Variants in ACAA2 observed in about 807,000 individuals in gnomAD.
ACAA2 encodes the protein 3-ketoacyl-CoA thiolase, mitochondrial.
A neutral mutation model predicts 44.8 loss-of-function variants in ACAA2; 35 were observed. That is an observed-to-expected ratio of 0.78 (90% CI 0.60 to 1.04). The LOEUF is 1.04. ACAA2 is among the 50% of genes least tolerant of loss of function. The probability of loss-of-function intolerance (pLI) is 0.00; values close to 1 mark genes in which losing one functional copy is unlikely to be tolerated. For synonymous variants in ACAA2, 142 were observed against 166.5 expected, an observed-to-expected ratio of 0.85 and a Z score of 1.13; for missense variants, 468 against 482.6, an observed-to-expected ratio of 0.97 and a Z score of 0.28.
At chr18:49,788,222 C>A (rs1469225055) in intron 7 of ACAA2, among the ~76,000 whole-genome samples, 1 of 152,158 alleles carries the variant, frequency 6.6e-6, no homozygotes, top group Admixed American at 6.5e-5. Context: ...AGATTATCTA[C>A]TTCTCGACTT....
intron 1 of ACAA2, among the ~76,000 whole-genome samples, chr18:49,807,614 T>G (rs542851108): frequency 4.6e-5 from 7 of 152,274 alleles, no homozygotes; most frequent in African/African-American, 1.4e-4. Flanking sequence ...GGAGGACTGC[T>G]TGAGCCCAGG....
At position 49,782,759 on chromosome 18, in the gene ACAA2, A is replaced by G. The variant is rs1286061846; in HGVS notation, c.*1088T>C. The G allele has an allele frequency of 2.0e-5, 3 of 152,260 alleles. No homozygotes were observed. The highest frequency in any genetic ancestry group is 7.2e-5 in the African/African-American group (3 of 41,406). 9.4% of individuals were successfully genotyped at this position (152,260 alleles called of 1,614,324 possible). On this transcript the variant is annotated 3_prime_UTR_variant, in exon 10 of 10. Coordinates refer to ENST00000285093, the MANE Select transcript of ACAA2 (RefSeq NM_006111.3). ...GCTACTGGGGAGGCTGAGGCAGGAG[A>G]ATGGCATGAACCCAGGAGGCGGAGC... is the stretch of plus-strand genomic sequence containing the variant.
At chr18:49,797,341 T>C in intron 3 of ACAA2, 125 bp downstream of exon 3, 1 of 772,920 alleles carries the variant, frequency 1.3e-6, no homozygotes, top group Non-Finnish European at 2.0e-6. Context: ...GGTATGATCA[T>C]GGTTTACTTG....
chr18:49,793,326 ACTTTC>A (rs1568586647), intron 5 of ACAA2, among the ~76,000 whole-genome samples: 1 of 152,262 alleles, frequency 6.6e-6, no homozygotes, highest in Non-Finnish European at 1.5e-5. Context: ...TTGGCAAAAT[ACTTTC>A]CTTATATGCC....
intron 2 of ACAA2, among the ~76,000 whole-genome samples, chr18:49,799,788 G>A (rs1351747379): frequency 6.6e-6 from 1 of 150,590 alleles, no homozygotes; most frequent in Non-Finnish European, 1.5e-5. Context: ...CTTCCCAGCC[G>A]CCATCCCGTC....
rs2023365577 is a variant in ACAA2 at position 49,788,930 on chromosome 18, T to A, written c.884-1569A>T. Reference sequence around the variant, plus strand: ...TAATAGCTGTGCGACTTTGTGCATCTCTCTGGGCAACAAGCTACTCATCAA... The same window carrying A: ...TAATAGCTGTGCGACTTTGTGCATCACTCTGGGCAACAAGCTACTCATCAA... On this transcript the variant is annotated intron_variant, in intron 7 of 9. Transcript: ENST00000285093. 2.0e-5 allele frequency among the ~76,000 whole-genome samples: 3 copies of A among 152,234 alleles called. No individual in the cohort carries two copies. In the South Asian group the frequency reaches 6.2e-4, roughly 32 times the overall value.
intron 1 of ACAA2, among the ~76,000 whole-genome samples, chr18:49,812,554 G>A (rs533316258): frequency 6.6e-6 from 1 of 151,952 alleles, no homozygotes; most frequent in Admixed American, 6.5e-5. Context: ...TGCCCCACAC[G>A]AGTCAAAGCC....
intron 7 of ACAA2, among the ~76,000 whole-genome samples, chr18:49,789,022 C>T (rs1415097899): frequency 1.3e-5 from 2 of 152,138 alleles, no homozygotes; most frequent in African/African-American, 4.8e-5. Context: ...CATATGATGC[C>T]AAGTAATAGA....
intron 5 of ACAA2, 33 bp from the exon 6 acceptor site, chr18:49,792,360 A>T: frequency 6.6e-7 from 1 of 1,525,202 alleles, no homozygotes. Flanking sequence ...TCATAAGAAT[A>T]AAAGAGAGAA....
At chr18:49,800,436 C>T (rs1490918488) in intron 2 of ACAA2, among the ~76,000 whole-genome samples, 5 of 151,860 alleles carry the variant, frequency 3.3e-5, no homozygotes, top group East Asian at 1.9e-4. Context: ...ATGACCGTGG[C>T]GGTTTTGTGG....
chr18:49,809,021 C>T (rs982401086), intron 1 of ACAA2, among the ~76,000 whole-genome samples: 2 of 152,050 alleles, frequency 1.3e-5, no homozygotes, highest in African/African-American at 4.8e-5. Flanking sequence ...CATTTATAGA[C>T]CTCCCCCCAG....
intron 7 of ACAA2, among the ~76,000 whole-genome samples, chr18:49,790,644 G>GTTCCCCCAGAGAATGACAGGAACT (rs2023387522): frequency 6.6e-6 from 1 of 152,168 alleles, no homozygotes; most frequent in African/African-American, 2.4e-5. Flanking sequence ...TTGGTTCCCT[G>GTTCCCCCAGAGAATGACAGGAACT]TTCCCCCAGA....
chr18:49,783,912 C>A lies in ACAA2; in HGVS notation c.1129G>T (p.Ala377Ser), dbSNP rs1393819450. 6.2e-7 allele frequency: 1 copy of A among 1,613,896 alleles called. No homozygotes were observed. Among genetic ancestry groups the A allele is most frequent in the Non-Finnish European group, 8.5e-7 (1 of 1,179,936 alleles). Residue 377 changes from alanine (A) to serine (S), a missense_variant, in exon 10 of 10, where the codon GCC (alanine) becomes TCC (serine). Coordinates refer to ENST00000285093, the MANE Select transcript of ACAA2 (RefSeq NM_006111.3). ...HELRRRGGKY[A>S]VGSACIGGGQ... ...CCTCCAATGCAAGCTGATCCAACGG[C>A]ATATTTTCCACCTCGACGCCTGAAA...
At chr18:49,800,639 A>G (rs992794258) in intron 2 of ACAA2, among the ~76,000 whole-genome samples, 2 of 152,134 alleles carry the variant, frequency 1.3e-5, no homozygotes, top group African/African-American at 4.8e-5. Flanking sequence ...TGTCCACTCA[A>G]GGTTAAATGG....
At chr18:49,789,698 C>T (rs1289217465) in intron 7 of ACAA2, among the ~76,000 whole-genome samples, 2 of 152,156 alleles carry the variant, frequency 1.3e-5, no homozygotes, top group South Asian at 2.1e-4. Flanking sequence ...CAACTCTGCT[C>T]TTGGGCTGGG....
In ACAA2 at chr18:49,813,496, G is replaced by A. The variant is rs2143990078; in HGVS notation, c.-12C>T. The A allele has an allele frequency of 1.6e-6, 2 of 1,240,880 alleles. No homozygotes were observed. The highest frequency in any genetic ancestry group is 2.0e-6 in the Non-Finnish European group (2 of 988,042). The allele number at this position is 1,240,880 out of a possible 1,614,324, so 76.9% of individuals were successfully genotyped here. On this transcript the variant is annotated 5_prime_UTR_variant, in exon 1 of 10. Transcript: ENST00000285093. Reference sequence around the variant, plus strand: ...CGGAGCAGAGCCATGGCGGCTGCTGGGTCGTCGGCGGCGCGGGTCTGTGGT... The same window carrying A: ...CGGAGCAGAGCCATGGCGGCTGCTGAGTCGTCGGCGGCGCGGGTCTGTGGT...
intron 1 of ACAA2, among the ~76,000 whole-genome samples, chr18:49,809,520 A>G (rs893774429): frequency 6.6e-6 from 1 of 152,232 alleles, no homozygotes; most frequent in Non-Finnish European, 1.5e-5. Context: ...ACTGTGGTGC[A>G]GCCATACAAT....
intron 2 of ACAA2, among the ~76,000 whole-genome samples, chr18:49,801,191 GTTCTCTCT>G (rs2023543710): frequency 6.6e-6 from 1 of 152,162 alleles, no homozygotes; most frequent in East Asian, 1.9e-4. Context: ...AGCATATTCT[GTTCTCTCT>G]TAACCATAAA....
chr18:49,813,365 T>C (rs2023693781), intron 1 of ACAA2, 104 bp downstream of exon 1: 3 of 944,004 alleles, frequency 3.2e-6, no homozygotes, highest in Non-Finnish European at 4.2e-6. Context: ...TTGAGTGAAC[T>C]TCACCCCACG....
Sources: gnomAD v4.1 joint callset for allele counts (sites outside exome capture counted in the v4.1 genomes callset) on GRCh38, gnomAD v4.1.1 for gene constraint, MANE v1.5 for transcripts, NCBI Gene and HGNC (gene_info 2026-07-23, HGNC 2026-07-21) for gene names.